The following XPR1 variants were observed in gnomAD, a reference collection of about 807,000 sequenced individuals.
XPR1 encodes the protein solute carrier family 53 member 1.
A neutral mutation model predicts 87.5 loss-of-function variants in XPR1; 28 were observed. That is an observed-to-expected ratio of 0.32 (90% CI 0.24 to 0.44). The LOEUF is 0.44. XPR1 is among the 20% of genes least tolerant of loss of function. The pLI is 1.00. For missense variants in XPR1, 559 were observed against 862.3 expected (o/e 0.65, Z 4.41); for synonymous variants, 300 against 306.1 (o/e 0.98, Z 0.21).
At chr1:180,783,696 A>G (rs989023586) in intron 2 of XPR1, among the ~76,000 whole-genome samples, 5 of 152,042 alleles carry the variant, frequency 3.3e-5, no homozygotes, top group African/African-American at 9.7e-5. Context: ...TTAATGTTAC[A>G]TAATATCATA....
intron 1 of XPR1, among the ~76,000 whole-genome samples, chr1:180,662,879 A>G (rs1196743571): frequency 6.6e-6 from 1 of 150,934 alleles, no homozygotes; most frequent in Admixed American, 6.6e-5. Context: ...TAAGCTCACT[A>G]TTTTTTTTGC....
At chr1:180,688,023 G>A (rs775887551) in intron 2 of XPR1, among the ~76,000 whole-genome samples, 3 of 147,022 alleles carry the variant, frequency 2.0e-5, no homozygotes, top group Non-Finnish European at 4.5e-5. Context: ...AGAATTCTGT[G>A]TTACAGATTA....
chr1:180,828,290 A>G (rs1048790615), intron 9 of XPR1, among the ~76,000 whole-genome samples: 1 of 152,298 alleles, frequency 6.6e-6, no homozygotes, highest in East Asian at 1.9e-4. Context: ...ATGCTCCTAA[A>G]AACAAAGCTA....
chr1:180,668,464 G>T (rs570393852), intron 1 of XPR1, among the ~76,000 whole-genome samples: 1 of 152,034 alleles, frequency 6.6e-6, no homozygotes, highest in Non-Finnish European at 1.5e-5. Context: ...GATTTAGTTT[G>T]TTCTTCTTTT....
intron 2 of XPR1, among the ~76,000 whole-genome samples, chr1:180,728,009 A>G (rs1658413152): frequency 2.0e-5 from 3 of 151,988 alleles, no homozygotes; most frequent in Admixed American, 2.0e-4. Context: ...TTATCCTGTG[A>G]CTTAGAATGC....
At chr1:180,833,671 A>T (rs928130086) in intron 9 of XPR1, among the ~76,000 whole-genome samples, 1 of 152,240 alleles carries the variant, frequency 6.6e-6, no homozygotes, top group Non-Finnish European at 1.5e-5. Flanking sequence ...GCTTTTCATC[A>T]AGAATAAACA....
chr1:180,807,389 A>G (rs2102124679), intron 6 of XPR1, among the ~76,000 whole-genome samples: 1 of 152,366 alleles, frequency 6.6e-6, no homozygotes, highest in Non-Finnish European at 1.5e-5. Context: ...ACCAATATGT[A>G]AAATCATTTG....
At chr1:180,687,350 A>G (rs968296653) in intron 2 of XPR1, among the ~76,000 whole-genome samples, 1 of 152,180 alleles carries the variant, frequency 6.6e-6, no homozygotes, top group Non-Finnish European at 1.5e-5. Flanking sequence ...ATTTATAGTT[A>G]AGAGCCTTTT....
At chr1:180,833,980 C>T (rs571125367) in intron 9 of XPR1, among the ~76,000 whole-genome samples, 3 of 152,188 alleles carry the variant, frequency 2.0e-5, no homozygotes, top group Admixed American at 6.5e-5. Context: ...ATAATTACAC[C>T]TCCACTCTAG....
At chr1:180,706,647 T>C (rs1015202719) in intron 2 of XPR1, among the ~76,000 whole-genome samples, 32 of 151,898 alleles carry the variant, frequency 2.1e-4, no homozygotes, top group African/African-American at 4.8e-5. Context: ...AGTCTCGCAC[T>C]GTCACCCAGG....
intron 2 of XPR1, among the ~76,000 whole-genome samples, chr1:180,737,663 A>G (rs74591992): frequency 0.021 from 3,137 of 152,284 alleles, 109 homozygotes; most frequent in African/African-American, 0.071. Flanking sequence ...TGTCATTACT[A>G]TATTTTTAAC....
chr1:180,696,236 G>A (rs1037445058), intron 2 of XPR1, among the ~76,000 whole-genome samples: 1 of 117,080 alleles, frequency 8.5e-6, no homozygotes, highest in African/African-American at 3.1e-5. Context: ...ATATATTATG[G>A]TAGCTATTGT....
rs1358497638 is a variant in XPR1, at chr1:180,803,436, T to G, written c.272T>G (p.Leu91Arg). ...QRRFATLQNE[L>R]QSSLDAQKES... ...AGGTTTGCTACACTTCAGAATGAGC[T>G]TCAGTCATCACTGGATGCACAGAAA... Residue 91 changes from leucine (L) to arginine (R), a missense_variant, in exon 4 of 15, where the codon CTT becomes CGT. Coordinates refer to ENST00000367590, the MANE Select transcript of XPR1 (RefSeq NM_004736.4). 6.2e-7 allele frequency: 1 copy of G among 1,613,972 alleles called. No homozygotes were observed. Among genetic ancestry groups the G allele is most frequent in the African/African-American group, 1.3e-5 (1 of 74,926 alleles).
chr1:180,787,664 A>T, intron 2 of XPR1, 89 bp from the exon 3 acceptor site: 1 of 900,080 alleles, frequency 1.1e-6, no homozygotes, highest in East Asian at 2.6e-5. Context: ...CATTTTAAAA[A>T]CTCAAAAAGT....
In XPR1 at chr1:180,773,034, A is replaced by G. The variant is rs1648581003; in HGVS notation, c.122-14719A>G. On this transcript the variant is annotated intron_variant, in intron 2 of 14. Transcript: ENST00000367590. ...ACAGTTCCCCAGTACCCTTTCTCCT[A>G]TTCTGTACTTGAAATTTACCTGATA... Among the ~76,000 whole-genome samples, 3 of 152,228 alleles carry G rather than the reference A, an allele frequency of 2.0e-5. No individual in the cohort carries two copies. In the South Asian group the frequency reaches 6.2e-4, roughly 32 times the overall value.
Position 180,806,050 on chromosome 1 carries a change from T to G in XPR1, c.448-12T>G. ...TAGAAATTATAGTTGTGTTTCTCATTTCTTTCTGTAGAATCTGAATTTTAC... is the reference window on the plus strand; with the variant it reads ...TAGAAATTATAGTTGTGTTTCTCATGTCTTTCTGTAGAATCTGAATTTTAC... On this transcript the variant is annotated splice_polypyrimidine_tract_variant and intron_variant, in intron 4 of 14. Coordinates refer to ENST00000367590, the MANE Select transcript of XPR1 (RefSeq NM_004736.4). The G allele has an allele frequency of 6.2e-7, 1 of 1,610,128 alleles. No homozygotes were observed. The highest frequency in any genetic ancestry group is 1.1e-5 in the South Asian group (1 of 90,468).
chr1:180,782,390 G>T (rs890756505), intron 2 of XPR1, among the ~76,000 whole-genome samples: 1 of 151,970 alleles, frequency 6.6e-6, no homozygotes, highest in African/African-American at 2.4e-5. Flanking sequence ...ATTTCTGGAG[G>T]CTTGAAAGTC....
Position 180,729,182 on chromosome 1 carries a change from C to CA in XPR1, c.121+46772dup, listed in dbSNP as rs1420157250. Among the ~76,000 whole-genome samples, 3 of 152,190 alleles carry CA rather than the reference C, an allele frequency of 2.0e-5. No homozygotes were observed. The East Asian group carries it at 5.8e-4, about 29-fold the overall frequency. On this transcript the variant is annotated intron_variant, in intron 2 of 14. Coordinates refer to ENST00000367590, the MANE Select transcript of XPR1 (RefSeq NM_004736.4). ...CAAAGGACATGATCTCATTACTTTT[C>CA]ATGGCTGGATAGTATTCCATGGTGT...
At chr1:180,732,117 C>G (rs1658574108) in intron 2 of XPR1, among the ~76,000 whole-genome samples, 2 of 149,604 alleles carry the variant, frequency 1.3e-5, no homozygotes, top group African/African-American at 5.0e-5. Flanking sequence ...TGCTTGAACT[C>G]TGGAGGCGGA....
Sources: gnomAD v4.1 joint callset for allele counts (sites outside exome capture counted in the v4.1 genomes callset) on GRCh38, gnomAD v4.1.1 for gene constraint, MANE v1.5 for transcripts, NCBI Gene and HGNC (gene_info 2026-07-23, HGNC 2026-07-21) for gene names.